The following SDHAF3 variants were observed in gnomAD, a reference collection of about 807,000 sequenced individuals.
The protein encoded by SDHAF3 is succinate dehydrogenase complex assembly factor 3.
Under a neutral mutation model 11.5 loss-of-function variants are expected in SDHAF3, and 18 were observed. That is an observed-to-expected ratio of 1.56 (90% confidence interval 1.08 to 2.32). SDHAF3 has a LOEUF of 2.32. Among genes scored for constraint, SDHAF3 ranks in the 30% most tolerant of loss-of-function variants. The probability of loss-of-function intolerance (pLI) is 0.00; values close to 1 mark genes in which losing one functional copy is unlikely to be tolerated. For missense variants in SDHAF3, 200 were observed against 154.4 expected (o/e 1.30, Z -1.57); for synonymous variants, 72 against 59.3 (o/e 1.21, Z -0.99).
In SDHAF3 at chr7:97,181,260, C is replaced by T; in HGVS notation, c.*45C>T. ...TAAGACATGCAAAAATTTAGAACCCCTACTTTAACTGTCATTGGTTTTTGA... is the reference window on the plus strand; with the variant it reads ...TAAGACATGCAAAAATTTAGAACCCTTACTTTAACTGTCATTGGTTTTTGA... On this transcript the variant is annotated 3_prime_UTR_variant, in exon 2 of 2. Transcript: ENST00000432641. 1.4e-6 allele frequency: 2 copies of T among 1,389,316 alleles called. No homozygotes were observed. The highest frequency in any genetic ancestry group is 2.0e-6 in the Non-Finnish European group (2 of 1,009,122). The allele number at this position is 1,389,316 out of a possible 1,614,324, so 86.1% of individuals were successfully genotyped here.
intron 1 of SDHAF3, among the ~76,000 whole-genome samples, chr7:97,169,956 A>C (rs1443401655): frequency 6.6e-6 from 1 of 152,172 alleles, no homozygotes; most frequent in Non-Finnish European, 1.5e-5. Flanking sequence ...TTTTTAAATC[A>C]GTAGTGTATA....
In SDHAF3 at chr7:97,168,694, A is replaced by G. The variant is rs1789554673; in HGVS notation, c.175-12318A>G. Among the ~76,000 whole-genome samples the G allele has an allele frequency of 2.0e-5, 3 of 152,108 alleles. No homozygotes were observed. In the South Asian group the frequency reaches 6.2e-4, roughly 32 times the overall value. ...CCTGCTAACCGGGGGTGTAATTGGGATAGGTGTTGACTCCAAGGTGAGAGG... is the reference window on the plus strand; with the variant it reads ...CCTGCTAACCGGGGGTGTAATTGGGGTAGGTGTTGACTCCAAGGTGAGAGG... On this transcript the variant is annotated intron_variant, in intron 1 of 1. Transcript: ENST00000432641.
intron 1 of SDHAF3, 152 bp downstream of exon 1, chr7:97,118,049 T>C (rs1791435332): frequency 1.0e-6 from 1 of 978,668 alleles, no homozygotes; most frequent in African/African-American, 1.6e-5. Context: ...TTCCAAAGTT[T>C]CTCCCACGGG....
rs557798914 is a variant in SDHAF3, at chr7:97,140,048, A to G, written c.174+22151A>G. Among the ~76,000 whole-genome samples, 22 of 152,278 alleles carry G rather than the reference A, an allele frequency of 1.4e-4. No homozygotes were observed. The South Asian group carries it at 4.2e-3, about 29-fold the overall frequency. The stretch of plus-strand genomic sequence containing the variant: ...TTAACGTGACATTAAAAACTGTGCA[A>G]AATCTGGCCCGAATATATTTTTCCT... On this transcript the variant is annotated intron_variant, in intron 1 of 1. Coordinates refer to ENST00000432641, the MANE Select transcript of SDHAF3 (RefSeq NM_020186.3).
chr7:97,180,511 C>G (rs1231969555), intron 1 of SDHAF3, among the ~76,000 whole-genome samples: 1 of 152,114 alleles, frequency 6.6e-6, no homozygotes, highest in Non-Finnish European at 1.5e-5. Context: ...CCCTGGGTGA[C>G]AGGACCTGTA....
chr7:97,155,174 A>G (rs1229878635), intron 1 of SDHAF3, among the ~76,000 whole-genome samples: 1 of 152,208 alleles, frequency 6.6e-6, no homozygotes, highest in Non-Finnish European at 1.5e-5. Flanking sequence ...TTTGATTGGA[A>G]TTGCATTAAA....
At chr7:97,179,335 G>A (rs1789734998) in intron 1 of SDHAF3, among the ~76,000 whole-genome samples, 1 of 152,080 alleles carries the variant, frequency 6.6e-6, no homozygotes. Context: ...ATTTCTTAAA[G>A]CCTGCTTTTT....
rs147955082 is a variant in SDHAF3, at chr7:97,180,986, A to G, written c.175-26A>G. 390 of 1,584,102 alleles carry G rather than the reference A, an allele frequency of 2.5e-4. 3 individuals carry two copies. The East Asian group carries it at 5.7e-3, about 23-fold the overall frequency. On this transcript the variant is annotated intron_variant, in intron 1 of 1. Transcript: ENST00000432641. ...TAAATATTATTTAAACTTTACATCT[A>G]TAACCTTCATTCTTTATCTTTTTAG...
At chr7:97,118,028 C>A (rs1256548607) in intron 1 of SDHAF3, 131 bp downstream of exon 1, 1 of 1,112,908 alleles carries the variant, frequency 9.0e-7, no homozygotes, top group Admixed American at 2.8e-5. Context: ...TAATGCTGTT[C>A]AGGTAACACT....
intron 1 of SDHAF3, among the ~76,000 whole-genome samples, chr7:97,160,256 C>G (rs1481744672): frequency 4.2e-5 from 6 of 141,722 alleles, no homozygotes; most frequent in Admixed American, 7.2e-5. Flanking sequence ...CCCTGCCCGG[C>G]CGCCCTGTCT....
intron 1 of SDHAF3, among the ~76,000 whole-genome samples, chr7:97,174,692 GGTT>G (rs1789653948): frequency 6.6e-6 from 1 of 152,158 alleles, no homozygotes; most frequent in Non-Finnish European, 1.5e-5. Flanking sequence ...ATTAGATTGA[GGTT>G]GTGCATTATT....
At chr7:97,169,361 A>C (rs1040223925) in intron 1 of SDHAF3, among the ~76,000 whole-genome samples, 1 of 69,050 alleles carries the variant, frequency 1.4e-5, no homozygotes, top group Non-Finnish European at 3.2e-5. Flanking sequence ...TATTACCCCA[A>C]ATTGAACTGT....
chr7:97,164,032 C>T (rs1789458512), intron 1 of SDHAF3, among the ~76,000 whole-genome samples: 1 of 151,838 alleles, frequency 6.6e-6, no homozygotes, highest in Non-Finnish European at 1.5e-5. Flanking sequence ...ACTGCAACCT[C>T]TGCCTCCCAG....
chr7:97,149,521 T>G (rs1390632625), intron 1 of SDHAF3, among the ~76,000 whole-genome samples: 1 of 152,202 alleles, frequency 6.6e-6, no homozygotes, highest in Non-Finnish European at 1.5e-5. Flanking sequence ...AAGCAAATAT[T>G]GCAATAAAAT....
At chr7:97,164,451 C>T (rs1304921499) in intron 1 of SDHAF3, among the ~76,000 whole-genome samples, 4 of 149,590 alleles carry the variant, frequency 2.7e-5, no homozygotes, top group East Asian at 2.0e-4. Context: ...GGCGCAATCT[C>T]GGCTCACCAC....
At chr7:97,168,961 T>A (rs533133533) in intron 1 of SDHAF3, among the ~76,000 whole-genome samples, 218 of 152,352 alleles carry the variant, frequency 1.4e-3, no homozygotes, top group African/African-American at 4.9e-3. Flanking sequence ...CTACACTCTT[T>A]CATTTGGTTA....
intron 1 of SDHAF3, among the ~76,000 whole-genome samples, chr7:97,151,526 T>G (rs1584223126): frequency 4.3e-5 from 6 of 138,138 alleles, no homozygotes; most frequent in Admixed American, 3.0e-4. Context: ...TGAGTTGGAG[T>G]CTCCCTCTGT....
At chr7:97,137,868 C>CTTT (rs11381462) in intron 1 of SDHAF3, among the ~76,000 whole-genome samples, 260 of 68,960 alleles carry the variant, frequency 3.8e-3, no homozygotes, top group African/African-American at 4.1e-3. Flanking sequence ...ATTCCATTCG[C>CTTT]TTTTTTTTTT....
rs145035121 is a variant in SDHAF3 at position 97,169,699 on chromosome 7, G to A, written c.175-11313G>A. Among the ~76,000 whole-genome samples the A allele has an allele frequency of 1.2e-3, 187 of 151,984 alleles. 1 individual carries two copies. The highest frequency in any genetic ancestry group is 3.2e-3 in the Admixed American group (49 of 15,252). On this transcript the variant is annotated intron_variant, in intron 1 of 1. Transcript: ENST00000432641. The stretch of plus-strand genomic sequence containing the variant: ...AGTTAAAAATCTATTGCTAAATGCA[G>A]TTTTTCTGTAGAGTGAAAAGAAAAA...
Sources: gnomAD v4.1 joint callset for allele counts (sites outside exome capture counted in the v4.1 genomes callset) on GRCh38, gnomAD v4.1.1 for gene constraint, MANE v1.5 for transcripts, NCBI Gene and HGNC (gene_info 2026-07-23, HGNC 2026-07-21) for gene names.